CNIH3: variants seen among roughly 807,000 people sequenced by gnomAD.
The protein encoded by CNIH3 is protein cornichon homolog 3.
CNIH3 carries 14 observed loss-of-function variants against 24.1 expected under a neutral mutation model. That is an observed-to-expected ratio of 0.58 (90% confidence interval 0.38 to 0.91). The LOEUF is 0.91. Ranked by LOEUF, CNIH3 falls within the 40% of genes least tolerant of loss-of-function variation. CNIH3 has a pLI of 0.00. For missense variants in CNIH3, 178 were observed against 196.8 expected, an observed-to-expected ratio of 0.90 and a Z score of 0.57; for synonymous variants, 68 against 73.8, an observed-to-expected ratio of 0.92 and a Z score of 0.40.
At position 224,734,718 on chromosome 1, in the gene CNIH3, C is replaced by G. The variant is rs1387025116; in HGVS notation, c.455+12C>G. The G allele has an allele frequency of 6.8e-6, 11 of 1,613,388 alleles. No homozygotes were observed. Among genetic ancestry groups the G allele is most frequent in the Middle Eastern group, 1.6e-4 (1 of 6,084 alleles). On this transcript the variant is annotated intron_variant, in intron 5 of 5. Transcript: ENST00000272133. ...TACTACCTTTACTGGTGAGTATCTGCCCCTCCTGGTGGTTTTGACTCCTGC... is the reference window on the plus strand; with the variant it reads ...TACTACCTTTACTGGTGAGTATCTGGCCCTCCTGGTGGTTTTGACTCCTGC...
intron 1 of CNIH3, among the ~76,000 whole-genome samples, chr1:224,654,114 G>C (rs1430065390): frequency 1.3e-5 from 2 of 152,106 alleles, no homozygotes; most frequent in Non-Finnish European, 2.9e-5. Context: ...GGATGCAGTG[G>C]CTCATGTCTG....
chr1:224,512,965 T>A (rs1415364418), upstream of CNIH3, among the ~76,000 whole-genome samples: 9 of 152,254 alleles, frequency 5.9e-5, no homozygotes, highest in Non-Finnish European at 1.3e-4. Context: ...TGTTTACCCA[T>A]CTGCAACGTG....
chr1:224,519,655 C>T (rs1156379998), intron 1 of CNIH3, among the ~76,000 whole-genome samples: 3 of 149,504 alleles, frequency 2.0e-5, no homozygotes, highest in African/African-American at 7.3e-5. Flanking sequence ...TGTGTGTACT[C>T]TTCATGCAGA....
upstream of CNIH3, chr1:224,615,531 C>T (rs1372064690): frequency 6.6e-6 from 1 of 152,116 alleles, no homozygotes; most frequent in African/African-American, 2.4e-5. Flanking sequence ...AATGGCTTGA[C>T]TCTACTCTTA....
At chr1:224,676,590 C>T (rs1686150920) in intron 1 of CNIH3, among the ~76,000 whole-genome samples, 1 of 152,196 alleles carries the variant, frequency 6.6e-6, no homozygotes, top group Admixed American at 6.5e-5. Context: ...TAAACCTGTA[C>T]TGTCAGTTGC....
intron 3 of CNIH3, among the ~76,000 whole-genome samples, chr1:224,594,902 C>T (rs1230338427): frequency 6.6e-6 from 1 of 152,150 alleles, no homozygotes; most frequent in African/African-American, 2.4e-5. Flanking sequence ...AATATAAGCA[C>T]ACATTGTTTT....
chr1:224,637,031 A>G (rs1684120045), intron 1 of CNIH3, among the ~76,000 whole-genome samples: 1 of 149,578 alleles, frequency 6.7e-6, no homozygotes, highest in African/African-American at 2.5e-5. Context: ...GGCTCACTGC[A>G]ACCTCCGCCT....
At chr1:224,686,903 A>T (rs1284831264) in intron 3 of CNIH3, among the ~76,000 whole-genome samples, 2 of 152,212 alleles carry the variant, frequency 1.3e-5, no homozygotes, top group South Asian at 4.1e-4. Flanking sequence ...TATAAACAAT[A>T]AACTGAGGCA....
Position 224,616,423 on chromosome 1 carries a change from G to A in CNIH3, c.-752G>A. ...TGCTGCAGCCACCCGGGCTGGAGTT[G>A]GCCCGTTGGGTGGAGCCAGTGCTCG... On this transcript the variant is annotated 5_prime_UTR_variant, in exon 1 of 6. Transcript: ENST00000272133. 2 of 979,154 alleles carry A rather than the reference G, an allele frequency of 2.0e-6. No homozygotes were observed. Among genetic ancestry groups the A allele is most frequent in the Non-Finnish European group, 2.4e-6 (2 of 820,402 alleles). The allele number at this position is 979,154 out of a possible 1,614,324, so 60.7% of individuals were successfully genotyped here. A position where few individuals can be genotyped will look rare whatever the true frequency, so the allele number is the denominator to read the frequency against.
At chr1:224,585,216 T>G (rs1399310605) in intron 5 of CNIH3, among the ~76,000 whole-genome samples, 1 of 152,234 alleles carries the variant, frequency 6.6e-6, no homozygotes, top group Non-Finnish European at 1.5e-5. Flanking sequence ...CCCGTTTCCC[T>G]AGATCGAATC....
intron 1 of CNIH3, among the ~76,000 whole-genome samples, chr1:224,471,862 T>A (rs911680418): frequency 6.6e-6 from 1 of 152,270 alleles, no homozygotes; most frequent in African/African-American, 2.4e-5. Context: ...AGTGCTGGGA[T>A]TACAGGTGTG....
chr1:224,585,326 C>T (rs558322034), intron 5 of CNIH3, among the ~76,000 whole-genome samples: 1 of 152,302 alleles, frequency 6.6e-6, no homozygotes, highest in African/African-American at 2.4e-5. Context: ...TAATGAGCAT[C>T]TGCCATATGC....
At chr1:224,642,007 T>C (rs1214131990) in intron 1 of CNIH3, among the ~76,000 whole-genome samples, 1 of 152,234 alleles carries the variant, frequency 6.6e-6, no homozygotes, top group Non-Finnish European at 1.5e-5. Context: ...AAATTCAGAC[T>C]GTAATTCCTG....
At chr1:224,651,959 C>T (rs544155310) in intron 1 of CNIH3, among the ~76,000 whole-genome samples, 14 of 152,134 alleles carry the variant, frequency 9.2e-5, no homozygotes, top group Non-Finnish European at 1.8e-4. Flanking sequence ...CTCCTTTTTC[C>T]CTGCTTCCTC....
chr1:224,579,837 G>C (rs971262117), intron 4 of CNIH3, among the ~76,000 whole-genome samples: 2 of 152,198 alleles, frequency 1.3e-5, no homozygotes, highest in Admixed American at 6.5e-5. Flanking sequence ...CATGATTGGA[G>C]ACAGCCTGAG....
chr1:224,670,354 C>G (rs1379339005), intron 1 of CNIH3, among the ~76,000 whole-genome samples: 1 of 152,200 alleles, frequency 6.6e-6, no homozygotes, highest in Non-Finnish European at 1.5e-5. Flanking sequence ...AGGGCTGGGT[C>G]TCATTTTCCT....
chr1:224,538,441 C>A (rs759758548), downstream of CNIH3, among the ~76,000 whole-genome samples: 25 of 152,034 alleles, frequency 1.6e-4, no homozygotes, highest in Non-Finnish European at 8.8e-5. Flanking sequence ...TAAGGAGAGA[C>A]CCTGTTTAAG....
intron 1 of CNIH3, among the ~76,000 whole-genome samples, chr1:224,460,837 A>C (rs1675880481): frequency 6.6e-6 from 1 of 150,490 alleles, no homozygotes; most frequent in African/African-American, 2.4e-5. Context: ...TTGCGTGACT[A>C]TGGCTCACTA....
intron 1 of CNIH3, among the ~76,000 whole-genome samples, chr1:224,448,181 G>A (rs755533392): frequency 1.3e-5 from 2 of 152,186 alleles, no homozygotes; most frequent in Non-Finnish European, 1.5e-5. Context: ...AGGCTGCAAT[G>A]AGCTGTGATC....
Sources: allele counts gnomAD v4.1 joint callset (sites outside exome capture counted in the v4.1 genomes callset), GRCh38; gene constraint gnomAD v4.1.1; transcripts MANE v1.5; gene names NCBI Gene and HGNC (gene_info 2026-07-23, HGNC 2026-07-21).